LYPLAL1: variants seen among roughly 807,000 people sequenced by gnomAD.
LYPLAL1 encodes lysophospholipase like 1.
LYPLAL1 carries 23 observed loss-of-function variants against 19.7 expected under a neutral mutation model. That is an observed-to-expected ratio of 1.17 (90% CI 0.84 to 1.65). The LOEUF (loss-of-function observed/expected upper bound fraction) is 1.65, where lower values mean the gene tolerates loss of function less well. Ranked by LOEUF, LYPLAL1 falls within the 40% of genes most tolerant of loss-of-function variation. The probability of loss-of-function intolerance (pLI) is 0.00; values close to 1 mark genes in which losing one functional copy is unlikely to be tolerated. For missense variants in LYPLAL1, 355 were observed against 279.4 expected (o/e 1.27, Z -1.93); for synonymous variants, 119 against 96.3 (o/e 1.24, Z -1.38).
At chr1:219,183,289 C>G (rs1288460176) in intron 2 of LYPLAL1, among the ~76,000 whole-genome samples, 1 of 151,918 alleles carries the variant, frequency 6.6e-6, no homozygotes, top group Non-Finnish European at 1.5e-5. Context: ...TCATCTTTTT[C>G]TATTGATTTG....
At chr1:219,429,676 T>A in the LYPLAL1 span, among the ~76,000 whole-genome samples, 21 of 151,966 alleles carry the variant, frequency 1.4e-4, no homozygotes, top group East Asian at 7.7e-4. Context: ...AAAAAATAAA[T>A]AAATAAGAAA....
the LYPLAL1 span, among the ~76,000 whole-genome samples, chr1:219,277,893 C>A: frequency 1.3e-5 from 2 of 149,074 alleles, no homozygotes. Flanking sequence ...TAAGCTTTTC[C>A]AGATCCACTG....
At chr1:219,270,898 C>T in the LYPLAL1 span, 2 of 152,142 alleles carry the variant, frequency 1.3e-5, no homozygotes, top group Non-Finnish European at 2.9e-5. Flanking sequence ...AAAAGAAGGG[C>T]TGATCCTGCC....
the LYPLAL1 span, among the ~76,000 whole-genome samples, chr1:219,224,678 A>C: frequency 6.6e-6 from 1 of 152,210 alleles, no homozygotes; most frequent in East Asian, 1.9e-4. Flanking sequence ...TTGTAGATTC[A>C]GAACTATTTC....
At chr1:219,385,011 C>T in the LYPLAL1 span, among the ~76,000 whole-genome samples, 1 of 152,118 alleles carries the variant, frequency 6.6e-6, no homozygotes, top group Non-Finnish European at 1.5e-5. Context: ...GACTATATGA[C>T]TTGACTATTG....
chr1:219,327,707 G>A, the LYPLAL1 span, among the ~76,000 whole-genome samples: 4 of 152,244 alleles, frequency 2.6e-5, no homozygotes, highest in Non-Finnish European at 2.9e-5. Flanking sequence ...CACATGGGAG[G>A]TAATTGAATA....
chr1:219,232,023 A>G, the LYPLAL1 span, among the ~76,000 whole-genome samples: 2 of 152,184 alleles, frequency 1.3e-5, no homozygotes, highest in Non-Finnish European at 2.9e-5. Flanking sequence ...AATTGAAATT[A>G]TATATGTTTC....
the LYPLAL1 span, among the ~76,000 whole-genome samples, chr1:219,322,158 C>T: frequency 6.6e-6 from 1 of 152,182 alleles, no homozygotes; most frequent in Non-Finnish European, 1.5e-5. Context: ...TCCCTCAGTA[C>T]AATTATGGCC....
chr1:219,330,072 G>A, the LYPLAL1 span, among the ~76,000 whole-genome samples: 1 of 152,162 alleles, frequency 6.6e-6, no homozygotes, highest in Non-Finnish European at 1.5e-5. Flanking sequence ...TGTCACAAAA[G>A]CATGTGAGTT....
At chr1:219,196,081 G>T (rs1420167783) in intron 3 of LYPLAL1, among the ~76,000 whole-genome samples, 4 of 152,114 alleles carry the variant, frequency 2.6e-5, no homozygotes, top group African/African-American at 9.7e-5. Flanking sequence ...GTCTGTCATT[G>T]ATGGGCGTTT....
intron 2 of LYPLAL1, among the ~76,000 whole-genome samples, chr1:219,192,700 A>G (rs945089129): frequency 6.6e-6 from 1 of 151,420 alleles, no homozygotes; most frequent in African/African-American, 2.4e-5. Flanking sequence ...TTACTCCATT[A>G]CAGTTTGGAA....
At chr1:219,197,978 G>A (rs1208999513) in intron 3 of LYPLAL1, among the ~76,000 whole-genome samples, 2 of 152,026 alleles carry the variant, frequency 1.3e-5, no homozygotes, top group Admixed American at 6.6e-5. Flanking sequence ...AAAGTCACCT[G>A]GGAGAAAAAT....
At chr1:219,233,645 T>C in the LYPLAL1 span, among the ~76,000 whole-genome samples, 3 of 151,954 alleles carry the variant, frequency 2.0e-5, no homozygotes, top group Admixed American at 2.0e-4. Flanking sequence ...GGTGCAAGCC[T>C]GTAGTCCCAG....
chr1:219,404,447 A>G, the LYPLAL1 span, among the ~76,000 whole-genome samples: 3 of 152,212 alleles, frequency 2.0e-5, no homozygotes, highest in African/African-American at 7.2e-5. Context: ...ATCTTTAAAT[A>G]TTTTGGTGCT....
the LYPLAL1 span, among the ~76,000 whole-genome samples, chr1:219,292,376 T>C: frequency 1.3e-5 from 2 of 152,164 alleles, no homozygotes; most frequent in African/African-American, 2.4e-5. Flanking sequence ...CATCCTCCAT[T>C]TGGAACAAAT....
At chr1:219,217,379 G>GGGGTGTGTGTGTGTGTGTGTGT (rs1553304603), downstream of LYPLAL1, among the ~76,000 whole-genome samples, 251 of 134,122 alleles carry the variant, frequency 1.9e-3, 2 homozygotes, top group African/African-American at 6.4e-3. Context: ...TGCCAGGTTT[G>GGGGTGTGTGTGTGTGTGTGTGT]GTGTGTGTGT....
chr1:219,326,533 C>T, the LYPLAL1 span, among the ~76,000 whole-genome samples: 3 of 152,098 alleles, frequency 2.0e-5, no homozygotes, highest in Admixed American at 2.0e-4. Flanking sequence ...ATCCCCAATT[C>T]CCTTCTGGGA....
At chr1:219,292,258 G>A in the LYPLAL1 span, among the ~76,000 whole-genome samples, 198 of 152,156 alleles carry the variant, frequency 1.3e-3, no homozygotes, top group Non-Finnish European at 2.4e-3. Context: ...AATGGGACTC[G>A]AATTTGGTTC....
chr1:219,299,472 G>A, the LYPLAL1 span, among the ~76,000 whole-genome samples: 1 of 152,240 alleles, frequency 6.6e-6, no homozygotes, highest in Non-Finnish European at 1.5e-5. Context: ...TGTGGAGGAA[G>A]TGAGAGCATG....
Sources: allele counts gnomAD v4.1 joint callset (sites outside exome capture counted in the v4.1 genomes callset), GRCh38; gene constraint gnomAD v4.1.1; transcripts MANE v1.5; gene names NCBI Gene and HGNC (gene_info 2026-07-23, HGNC 2026-07-21).